The following SLC26A4 variants were observed in gnomAD, a reference collection of about 807,000 sequenced individuals.
The protein encoded by SLC26A4 is solute carrier family 26 member 4, also known as pendrin.
SLC26A4 carries 93 observed loss-of-function variants against 90.4 expected under a neutral mutation model. The observed-to-expected ratio is 1.03, with a 90% CI of 0.87 to 1.22. SLC26A4 has a LOEUF of 1.22. SLC26A4 is among the 50% of genes most tolerant of loss of function. SLC26A4 has a pLI of 0.00. For synonymous variants in SLC26A4, 393 were observed against 354.6 expected, an observed-to-expected ratio of 1.11 and a Z score of -1.22; for missense variants, 1,127 against 946.2, an observed-to-expected ratio of 1.19 and a Z score of -2.51.
chr7:107,703,892 A>G (rs1435841344), intron 17 of SLC26A4, among the ~76,000 whole-genome samples: 7 of 152,208 alleles, frequency 4.6e-5, no homozygotes, highest in South Asian at 2.1e-4. Context: ...GTTTCTCCCA[A>G]TGAGTAACAT....
At chr7:107,708,283 G>T (rs7782467) in intron 18 of SLC26A4, among the ~76,000 whole-genome samples, 3,784 of 152,074 alleles carry the variant, frequency 0.025, 152 homozygotes, top group African/African-American at 0.086. Context: ...ACCTTCATTT[G>T]GTCCTATACT....
At chr7:107,674,426 T>G (rs1482381398) in intron 5 of SLC26A4, 78 bp downstream of exon 5, 4 of 1,162,634 alleles carry the variant, frequency 3.4e-6, no homozygotes, top group Non-Finnish European at 5.1e-6. Flanking sequence ...GACTTAAAGA[T>G]TCTACTAAAA....
intron 3 of SLC26A4, among the ~76,000 whole-genome samples, chr7:107,663,791 C>T (rs147169484): frequency 0.014 from 2,068 of 152,198 alleles, 53 homozygotes; most frequent in African/African-American, 0.047. Context: ...TCACGCCATT[C>T]TCCCGCCTCA....
intron 19 of SLC26A4, among the ~76,000 whole-genome samples, chr7:107,710,928 G>A (rs762248166): frequency 1.3e-5 from 2 of 152,142 alleles, no homozygotes; most frequent in African/African-American, 4.8e-5. Context: ...TAACAGTAAT[G>A]ATTCCAGTGA....
intron 19 of SLC26A4, among the ~76,000 whole-genome samples, chr7:107,712,106 T>A (rs186717756): frequency 1.3e-5 from 2 of 152,214 alleles, no homozygotes; most frequent in Admixed American, 6.5e-5. Flanking sequence ...CCATCTCCAA[T>A]AGAATTAATT....
At chr7:107,675,285 T>TAAAAAAAAA (rs60022317) in intron 6 of SLC26A4, among the ~76,000 whole-genome samples, 176 bp downstream of exon 6, 1 of 96,790 alleles carries the variant, frequency 1.0e-5, no homozygotes, top group Non-Finnish European at 2.0e-5. Context: ...CCTCATCTCT[T>TAAAAAAAAA]AAAAAAAAAA....
chr7:107,690,204 G>T lies in SLC26A4; in HGVS notation c.1230G>T (p.Thr410=), dbSNP rs371756312. The change falls in exon 10 of 21, where the codon ACG becomes ACT. Residue 410 remains threonine (T), a synonymous_variant. Coordinates refer to ENST00000644269, the MANE Select transcript of SLC26A4 (RefSeq NM_000441.2). The stretch of plus-strand genomic sequence containing the variant: ...TGGCCACCACTGCTCTTTCCCGCAC[G>T]GCCGTCCAGGAGAGCACTGGAGGAA... ...CFVATTALSR[T]AVQESTGGKT... is the part of the protein sequence containing the mutation. The T allele has an allele frequency of 1.2e-6, 2 of 1,611,622 alleles. No individual in the cohort carries two copies. Among genetic ancestry groups the T allele is most frequent in the Non-Finnish European group, 1.7e-6 (2 of 1,178,004 alleles).
intron 18 of SLC26A4, among the ~76,000 whole-genome samples, chr7:107,706,864 T>G (rs550811884): frequency 6.6e-6 from 1 of 152,340 alleles, no homozygotes; most frequent in East Asian, 1.9e-4. Flanking sequence ...TTTCAATTTT[T>G]GTTTATGAAA....
intron 17 of SLC26A4, among the ~76,000 whole-genome samples, chr7:107,703,247 A>G (rs1347149059): frequency 6.6e-6 from 1 of 152,226 alleles, no homozygotes; most frequent in Non-Finnish European, 1.5e-5. Context: ...AGCTTCAGGT[A>G]GGTATCAAAA....
intron 3 of SLC26A4, among the ~76,000 whole-genome samples, chr7:107,665,080 G>A (rs370785094): frequency 7.2e-5 from 11 of 152,194 alleles, no homozygotes; most frequent in South Asian, 4.2e-4. Context: ...CACTCAAAGC[G>A]GTCTTAGGGG....
At chr7:107,696,074 G>C (rs375333089) in intron 13 of SLC26A4, 35 bp downstream of exon 13, 1 of 1,131,038 alleles carries the variant, frequency 8.8e-7, no homozygotes, top group African/African-American at 1.5e-5. Context: ...CCTATAAACA[G>C]AACAACACAC....
intron 10 of SLC26A4, among the ~76,000 whole-genome samples, chr7:107,692,397 C>G (rs1014338765): frequency 6.6e-6 from 1 of 152,116 alleles, no homozygotes; most frequent in Admixed American, 6.6e-5. Context: ...TCAGCATCTA[C>G]AAAATGGAAA....
rs868614504 is a variant in SLC26A4 at position 107,690,185 on chromosome 7, C to T, written c.1211C>T (p.Thr404Ile). The T allele has an allele frequency of 3.1e-6, 5 of 1,613,568 alleles. No individual in the cohort carries two copies. The highest frequency in any genetic ancestry group is 1.1e-5 in the South Asian group (1 of 91,078). ...GGATTCTTCTCTTGTTTTGTGGCCA[C>T]CACTGCTCTTTCCCGCACGGCCGTC... ...FSGFFSCFVATTALSRTAVQE... is the reference protein window; with the variant it reads ...FSGFFSCFVAITALSRTAVQE... Residue 404 changes from threonine (T) to isoleucine (I), a missense_variant, in exon 10 of 21, where the codon ACC becomes ATC. Transcript: ENST00000644269.
intron 3 of SLC26A4, 78 bp downstream of exon 3, chr7:107,663,513 C>T (rs780118738): frequency 2.5e-5 from 38 of 1,512,934 alleles, no homozygotes; most frequent in Non-Finnish European, 3.2e-5. Context: ...AGGTCTGTGA[C>T]AGATGGTTGC....
In SLC26A4 at chr7:107,683,401, A is replaced by C. The variant is rs769614802; in HGVS notation, c.918+47A>C. 16 of 1,611,000 alleles carry C rather than the reference A, an allele frequency of 9.9e-6. No homozygotes were observed. The South Asian group carries it at 1.8e-4, about 18-fold the overall frequency. On this transcript the variant is annotated intron_variant, in intron 7 of 20. Coordinates refer to ENST00000644269, the MANE Select transcript of SLC26A4 (RefSeq NM_000441.2). ...AAAGTTCAGCATTATTTGGTTGACAAACAAGGAATTATTAAAACCAATGGA... is the reference window on the plus strand; with the variant it reads ...AAAGTTCAGCATTATTTGGTTGACACACAAGGAATTATTAAAACCAATGGA...
chr7:107,679,795 T>G (rs1791128128), intron 6 of SLC26A4, among the ~76,000 whole-genome samples: 1 of 142,288 alleles, frequency 7.0e-6, no homozygotes, highest in Non-Finnish European at 1.5e-5. Flanking sequence ...TCTATGTCGT[T>G]AAATATAATC....
At chr7:107,700,246 C>T (rs1275088398) in intron 15 of SLC26A4, 71 bp downstream of exon 15, 1 of 799,662 alleles carries the variant, frequency 1.3e-6, no homozygotes, top group Non-Finnish European at 2.2e-6. Flanking sequence ...CAAGTATTTA[C>T]TGGGGTCCAA....
intron 14 of SLC26A4, among the ~76,000 whole-genome samples, chr7:107,698,442 G>A (rs1287857960): frequency 1.1e-4 from 17 of 151,744 alleles, no homozygotes; most frequent in South Asian, 2.1e-4. Flanking sequence ...CTCAGCCTCC[G>A]AGTGGCTGGG....
chr7:107,704,946 C>T (rs190652199), intron 18 of SLC26A4, among the ~76,000 whole-genome samples: 44 of 152,290 alleles, frequency 2.9e-4, no homozygotes, highest in South Asian at 2.1e-3. Context: ...TCGTCTAGTG[C>T]GGGAGCTTAG....
Sources: allele counts gnomAD v4.1 joint callset (sites outside exome capture counted in the v4.1 genomes callset), GRCh38; gene constraint gnomAD v4.1.1; transcripts MANE v1.5; gene names NCBI Gene and HGNC (gene_info 2026-07-23, HGNC 2026-07-21).